Variants in GREB1 observed in about 807,000 individuals in gnomAD.
GREB1 encodes growth regulating estrogen receptor binding 1, also known as protein GREB1.
A neutral mutation model predicts 200.7 loss-of-function variants in GREB1; 106 were observed. The ratio of observed to expected loss-of-function variants is 0.53; its 90% CI spans 0.45 to 0.62. The LOEUF is 0.62. Ranked by LOEUF, GREB1 falls within the 20% of genes least tolerant of loss-of-function variation. The pLI is 0.00. For synonymous variants in GREB1, 1,132 were observed against 1,092.4 expected, an observed-to-expected ratio of 1.04 and a Z score of -0.72; for missense variants, 2,243 against 2,556.8, an observed-to-expected ratio of 0.88 and a Z score of 2.65.
chr2:11,612,399 G>A, intron 18 of GREB1, 96 bp from the exon 19 acceptor site: 5 of 1,487,866 alleles, frequency 3.4e-6, no homozygotes, highest in South Asian at 2.6e-5. Context: ...AGTTCAAGGA[G>A]TTTAAATTGG....
chr2:11,610,627 TGGC>T (rs1682831256), intron 17 of GREB1, 58 bp from the exon 18 acceptor site: 3 of 1,298,310 alleles, frequency 2.3e-6, no homozygotes, highest in Non-Finnish European at 3.3e-6. Context: ...TTGGGTGACT[TGGC>T]AGCAGCAGGC....
At position 11,578,409 on chromosome 2, in the gene GREB1, C is replaced by T. The variant is rs143667166; in HGVS notation, c.750C>T (p.Ile250=). The change falls in exon 6 of 33, where the codon ATC becomes ATT. Residue 250 remains isoleucine, a synonymous_variant. Transcript: ENST00000381486. ...CCGTTCCTGGGACGAACCCCAGCAT[C>T]CTGATGGGAGCTCAGCAGGCAGGTG... ...SEPVPGTNPS[I]LMGAQQAGPA... 1.1e-4 allele frequency: 184 copies of T among 1,613,870 alleles called. No individual in the cohort carries two copies. The highest frequency in any genetic ancestry group is 2.5e-5 in the Non-Finnish European group (29 of 1,180,034).
chr2:11,612,901 C>T (rs1683064026), intron 19 of GREB1, among the ~76,000 whole-genome samples: 1 of 152,340 alleles, frequency 6.6e-6, no homozygotes, highest in Admixed American at 6.5e-5. Flanking sequence ...TTTCATGCCT[C>T]CTGAGTTCAG....
chr2:11,559,027 A>G (rs73915425), intron 2 of GREB1, among the ~76,000 whole-genome samples: 1,969 of 152,268 alleles, frequency 0.013, 58 homozygotes, highest in African/African-American at 0.044. Context: ...TGGGATAAGT[A>G]TTTATTCATT....
intron 1 of GREB1, among the ~76,000 whole-genome samples, chr2:11,495,568 A>G (rs1170585243): frequency 1.3e-5 from 2 of 152,116 alleles, no homozygotes; most frequent in South Asian, 4.1e-4. Flanking sequence ...CTTCACGTGT[A>G]ACTCACTCAA....
At chr2:11,587,892 G>A (rs536545378) in intron 9 of GREB1, 117 of 998,952 alleles carry the variant, frequency 1.2e-4, no homozygotes, top group Non-Finnish European at 1.4e-4. Flanking sequence ...ATTTGAACCC[G>A]ACCTGGGCAA....
intron 23 of GREB1, 49 bp from the exon 24 acceptor site, chr2:11,625,105 C>A: frequency 2.1e-6 from 3 of 1,451,820 alleles, no homozygotes; most frequent in Non-Finnish European, 2.9e-6. Flanking sequence ...GACTGTAAAT[C>A]ATTTTCACTT....
intron 1 of GREB1, among the ~76,000 whole-genome samples, chr2:11,484,079 T>C (rs1305245392): frequency 2.6e-5 from 4 of 152,196 alleles, no homozygotes; most frequent in Non-Finnish European, 5.9e-5. Flanking sequence ...ATAAATATTG[T>C]GGTCATGCCG....
In GREB1 at chr2:11,576,713, G is replaced by A. The variant is rs149606962; in HGVS notation, c.637+178G>A. On this transcript the variant is annotated intron_variant, in intron 5 of 32. Coordinates refer to ENST00000381486, the MANE Select transcript of GREB1 (RefSeq NM_014668.4). ...GTTACGGGCGTTAAGCTGGTTGACA[G>A]TGACAGTCTAATTGGATGGGATGTT... Among the ~76,000 whole-genome samples, 8 of 152,286 alleles carry A rather than the reference G, an allele frequency of 5.3e-5. No homozygotes were observed. In the East Asian group the frequency reaches 1.5e-3, roughly 29 times the overall value.
intron 19 of GREB1, among the ~76,000 whole-genome samples, chr2:11,613,284 A>C (rs1433277969): frequency 6.6e-6 from 1 of 152,142 alleles, no homozygotes; most frequent in African/African-American, 2.4e-5. Flanking sequence ...TTGGATTGGT[A>C]GTGACAGATT....
chr2:11,539,312 C>G (rs1165764629), intron 1 of GREB1, among the ~76,000 whole-genome samples: 1 of 150,478 alleles, frequency 6.6e-6, no homozygotes, highest in Non-Finnish European at 1.5e-5. Context: ...CGGCCTCCCA[C>G]AGTGCTGGGA....
intron 1 of GREB1, among the ~76,000 whole-genome samples, chr2:11,483,414 A>G (rs533962985): frequency 1.3e-5 from 2 of 151,762 alleles, no homozygotes; most frequent in African/African-American, 2.4e-5. Flanking sequence ...AGCCGTGAAC[A>G]GTGACGGTGA....
chr2:11,555,987 T>C (rs551416043), intron 1 of GREB1, among the ~76,000 whole-genome samples: 5 of 152,354 alleles, frequency 3.3e-5, no homozygotes, highest in Non-Finnish European at 1.5e-5. Flanking sequence ...TTCCTCGTTT[T>C]CCCACTCCTC....
At chr2:11,635,782 A>ATG (rs1280024966) in intron 30 of GREB1, among the ~76,000 whole-genome samples, 15 of 152,204 alleles carry the variant, frequency 9.9e-5, no homozygotes, top group Admixed American at 7.8e-4. Flanking sequence ...TAGTCATACT[A>ATG]TGTGTCCACT....
intron 1 of GREB1, among the ~76,000 whole-genome samples, chr2:11,535,973 C>T (rs1572607998): frequency 6.6e-6 from 1 of 151,966 alleles, no homozygotes; most frequent in East Asian, 1.9e-4. Context: ...TTATCAGATA[C>T]CTTCTATTTC....
chr2:11,483,019 G>C (rs961057586), intron 1 of GREB1, among the ~76,000 whole-genome samples: 9 of 151,476 alleles, frequency 5.9e-5, no homozygotes, highest in African/African-American at 2.2e-4. Context: ...GGGCTGTGCG[G>C]GGCTGCTCGG....
chr2:11,585,376 G>T, intron 8 of GREB1, 102 bp downstream of exon 8: 1 of 689,048 alleles, frequency 1.5e-6, no homozygotes, highest in South Asian at 2.1e-5. Flanking sequence ...GCACGAGTGT[G>T]AATGTGCGTG....
intron 1 of GREB1, chr2:11,540,489 G>T (rs1017056203): frequency 6.5e-6 from 1 of 153,208 alleles, no homozygotes; most frequent in Non-Finnish European, 1.5e-5. Flanking sequence ...AATCGGAGGG[G>T]ACATAGCTGA....
Position 11,580,690 on chromosome 2 carries a change from C to T in GREB1, c.773-14C>T. On this transcript the variant is annotated splice_polypyrimidine_tract_variant and intron_variant, in intron 6 of 32. Transcript: ENST00000381486. The surrounding 1 kb of genome is among the most constrained non-coding windows in gnomAD (Gnocchi z 4.5). ...GTGAACTGACCCTCCTCTTTGCCTT[C>T]TATCTGTTTTCAGGACCAGCTTCTG... The T allele has an allele frequency of 6.2e-7, 1 of 1,601,974 alleles. No individual in the cohort carries two copies. The highest frequency in any genetic ancestry group is 8.5e-7 in the Non-Finnish European group (1 of 1,171,918).
Sources: allele counts gnomAD v4.1 joint callset (sites outside exome capture counted in the v4.1 genomes callset), GRCh38; gene constraint gnomAD v4.1.1; non-coding constraint Gnocchi (gnomAD v3.1); transcripts MANE v1.5; gene names NCBI Gene and HGNC (gene_info 2026-07-23, HGNC 2026-07-21).